Variants in ARL6 observed in about 807,000 individuals in gnomAD.
ARL6 encodes the protein ARF like GTPase 6, also known as ADP-ribosylation factor-like protein 6.
Under a neutral mutation model 27.1 loss-of-function variants are expected in ARL6, and 18 were observed. The ratio of observed to expected loss-of-function variants is 0.66; its 90% CI spans 0.46 to 0.98. The LOEUF (loss-of-function observed/expected upper bound fraction) is 0.98. Ranked by LOEUF, ARL6 falls within the 50% of genes least tolerant of loss-of-function variation. The probability of loss-of-function intolerance (pLI) is 0.00; values close to 1 mark genes in which losing one functional copy is unlikely to be tolerated. For synonymous variants in ARL6, 65 were observed against 72.3 expected (o/e 0.90, Z 0.51); for missense variants, 187 against 214.9 (o/e 0.87, Z 0.81).
At chr3:97,775,481 A>G (rs1053761042) in intron 2 of ARL6, among the ~76,000 whole-genome samples, 1 of 151,896 alleles carries the variant, frequency 6.6e-6, no homozygotes, top group Admixed American at 6.6e-5. Flanking sequence ...CCTGCTTTAT[A>G]TATTCTGGCC....
rs1178588274 is a variant in ARL6 at position 97,799,361 on chromosome 3, G to A, written c.*1312G>A. The A allele has an allele frequency of 1.3e-5, 2 of 151,966 alleles. No individual in the cohort carries two copies. The highest frequency in any genetic ancestry group is 4.8e-5 in the African/African-American group (2 of 41,408). The allele number at this position is 151,966 out of a possible 1,614,324, so 9.4% of individuals were successfully genotyped here. A position where few individuals can be genotyped will look rare whatever the true frequency, so the allele number is the denominator to read the frequency against. Reference sequence around the variant, plus strand: ...TATAGTCCAGAAATAGCAGTGATTTGGCATTTGGCAAATTGAAAGTTACCC... The same window carrying A: ...TATAGTCCAGAAATAGCAGTGATTTAGCATTTGGCAAATTGAAAGTTACCC... On this transcript the variant is annotated 3_prime_UTR_variant, in exon 8 of 8. Transcript: ENST00000463745.
chr3:97,771,628 A>G (rs1462171451), intron 2 of ARL6, among the ~76,000 whole-genome samples: 1 of 152,070 alleles, frequency 6.6e-6, no homozygotes, highest in Non-Finnish European at 1.5e-5. Flanking sequence ...TCCATTCAGT[A>G]TATTAGCTCC....
At chr3:97,782,899 T>G (rs1279574014) in intron 4 of ARL6, among the ~76,000 whole-genome samples, 1 of 151,238 alleles carries the variant, frequency 6.6e-6, no homozygotes, top group East Asian at 1.9e-4. Flanking sequence ...AGAAAGTTCT[T>G]AGTGGATTAT....
intron 1 of ARL6, among the ~76,000 whole-genome samples, chr3:97,766,905 A>G (rs927593378): frequency 2.6e-5 from 4 of 152,140 alleles, no homozygotes; most frequent in Non-Finnish European, 5.9e-5. Flanking sequence ...AAAGGGATCT[A>G]TCTCCCTGTC....
chr3:97,768,033 A>G, intron 1 of ARL6, 48 bp from the exon 2 acceptor site: 1 of 1,552,778 alleles, frequency 6.4e-7, no homozygotes. Flanking sequence ...AATATTTTCC[A>G]TAACTTAAGG....
chr3:97,774,315 T>C (rs2036786611), intron 2 of ARL6, among the ~76,000 whole-genome samples: 1 of 152,172 alleles, frequency 6.6e-6, no homozygotes, highest in South Asian at 2.1e-4. Flanking sequence ...AGTTTAGTTA[T>C]TCCGGGATTT....
Position 97,799,902 on chromosome 3 carries a change from A to T in ARL6, c.*1853A>T, listed in dbSNP as rs1344127646. Reference sequence around the variant, plus strand: ...AAATACAGATATATCTGCCAGAATAACAATTAAAATGATAGAAAAGGCTCT... The same window carrying T: ...AAATACAGATATATCTGCCAGAATATCAATTAAAATGATAGAAAAGGCTCT... On this transcript the variant is annotated 3_prime_UTR_variant, in exon 8 of 8. Coordinates refer to ENST00000463745, the MANE Select transcript of ARL6 (RefSeq NM_001278293.3). The T allele has an allele frequency of 6.6e-6, 1 of 152,140 alleles. No homozygotes were observed. The highest frequency in any genetic ancestry group is 2.4e-5 in the African/African-American group (1 of 41,466). 9.4% of individuals were successfully genotyped at this position (152,140 alleles called of 1,614,324 possible).
intron 4 of ARL6, among the ~76,000 whole-genome samples, chr3:97,783,457 G>T (rs1319367539): frequency 1.1e-4 from 16 of 151,782 alleles, no homozygotes; most frequent in Admixed American, 1.1e-3. Context: ...GGACATGAAG[G>T]CTATTCTGTT....
intron 2 of ARL6, among the ~76,000 whole-genome samples, chr3:97,774,228 C>T (rs1046872181): frequency 6.6e-6 from 1 of 152,164 alleles, no homozygotes; most frequent in Non-Finnish European, 1.5e-5. Context: ...TCGAGCAGTT[C>T]TTTTTGAGTG....
chr3:97,792,944 T>C (rs898452573), intron 7 of ARL6, among the ~76,000 whole-genome samples: 2 of 152,186 alleles, frequency 1.3e-5, no homozygotes, highest in Non-Finnish European at 2.9e-5. Flanking sequence ...ACACAAACCT[T>C]TTAATGCCAG....
chr3:97,779,198 G>A lies in ARL6; in HGVS notation c.124-961G>A, dbSNP rs368998927. On this transcript the variant is annotated intron_variant, in intron 2 of 7. Transcript: ENST00000463745. Reference sequence around the variant, plus strand: ...CAACATATCACTCTTTATCTTACCCGATACACTTGAGACATTTAGGCTTTC... The same window carrying A: ...CAACATATCACTCTTTATCTTACCCAATACACTTGAGACATTTAGGCTTTC... 2.1e-4 allele frequency among the ~76,000 whole-genome samples: 32 copies of A among 152,116 alleles called. No individual in the cohort carries two copies. In the South Asian group the frequency reaches 2.5e-3, roughly 12 times the overall value.
At position 97,779,595 on chromosome 3, in the gene ARL6, G is replaced by A. The variant is rs375883446; in HGVS notation, c.124-564G>A. On this transcript the variant is annotated intron_variant, in intron 2 of 7. Transcript: ENST00000463745. ...AAAGATTAGAAAGTATGCCAGGCAC[G>A]GTGGCTCACTCCTGTAATCCCAGCA... is the stretch of plus-strand genomic sequence containing the variant. Among the ~76,000 whole-genome samples the A allele has an allele frequency of 4.6e-5, 7 of 152,130 alleles. No individual in the cohort carries two copies. The South Asian group carries it at 8.3e-4, about 18-fold the overall frequency.
intron 5 of ARL6, among the ~76,000 whole-genome samples, chr3:97,786,308 G>A (rs1027482049): frequency 6.6e-6 from 1 of 151,458 alleles, no homozygotes; most frequent in Admixed American, 6.6e-5. Flanking sequence ...TAGCACCACT[G>A]AGGGCAACGG....
intron 7 of ARL6, among the ~76,000 whole-genome samples, chr3:97,796,612 A>G (rs1422406915): frequency 6.6e-6 from 1 of 152,168 alleles, no homozygotes; most frequent in Non-Finnish European, 1.5e-5. Flanking sequence ...AGGCCTCTCA[A>G]GAGCTCAATA....
intron 2 of ARL6, among the ~76,000 whole-genome samples, chr3:97,772,900 G>A (rs1406247197): frequency 6.6e-6 from 1 of 152,138 alleles, no homozygotes; most frequent in Non-Finnish European, 1.5e-5. Context: ...AATTACAGGT[G>A]TGAGCCACCA....
In ARL6 at chr3:97,764,827, G is replaced by C. The variant is rs2036286758; in HGVS notation, c.-178G>C. 6.6e-6 allele frequency: 1 copy of C among 152,186 alleles called. No individual in the cohort carries two copies. Among genetic ancestry groups the C allele is most frequent in the Non-Finnish European group, 1.5e-5 (1 of 68,070 alleles). The allele number at this position is 152,186 out of a possible 1,614,324, so 9.4% of individuals were successfully genotyped here. A position where few individuals can be genotyped will look rare whatever the true frequency, so the allele number is the denominator to read the frequency against. On this transcript the variant is annotated 5_prime_UTR_variant, in exon 1 of 8. Coordinates refer to ENST00000463745, the MANE Select transcript of ARL6 (RefSeq NM_001278293.3). ...GCCGGTTTTCCCAACTTCTAGAGAC[G>C]GCTTTGCTCATTACCAGGCATCCTT...
chr3:97,790,110 A>G (rs190189159), intron 6 of ARL6, among the ~76,000 whole-genome samples: 1 of 148,462 alleles, frequency 6.7e-6, no homozygotes, highest in Admixed American at 6.8e-5. Context: ...GTGTATGTAT[A>G]CTTGTTTACC....
At chr3:97,787,969 T>C in intron 5 of ARL6, 21 bp from the exon 6 acceptor site, 1 of 1,612,714 alleles carries the variant, frequency 6.2e-7, no homozygotes, top group Non-Finnish European at 8.5e-7. Context: ...AGTGTGATGA[T>C]AATCTTATTT....
chr3:97,782,825 TA>T (rs530843518), intron 4 of ARL6, among the ~76,000 whole-genome samples: 4,001 of 144,628 alleles, frequency 0.028, 53 homozygotes, highest in Middle Eastern at 0.041. Flanking sequence ...ACCATAGTAG[TA>T]AAAAAAAAAA....
Sources: gnomAD v4.1 joint callset for allele counts (sites outside exome capture counted in the v4.1 genomes callset) on GRCh38, gnomAD v4.1.1 for gene constraint, MANE v1.5 for transcripts, NCBI Gene and HGNC (gene_info 2026-07-23, HGNC 2026-07-21) for gene names.